The following SOX5 variants were observed in gnomAD, a reference collection of about 807,000 sequenced individuals.
SOX5 encodes SRY-box transcription factor 5, also known as transcription factor SOX-5.
Under a neutral mutation model 92.0 loss-of-function variants are expected in SOX5, and 9 were observed. The observed-to-expected ratio is 0.10, with a 90% CI of 0.06 to 0.17. SOX5 has a LOEUF of 0.17. Ranked by LOEUF, SOX5 falls within the 10% of genes least tolerant of loss-of-function variation. The pLI is 1.00. For missense variants in SOX5, 642 were observed against 944.5 expected (o/e 0.68, Z 4.20); for synonymous variants, 344 against 336.3 (o/e 1.02, Z -0.25).
At chr12:23,812,462 G>C (rs1306426455) in intron 3 of SOX5, among the ~76,000 whole-genome samples, 2 of 151,754 alleles carry the variant, frequency 1.3e-5, no homozygotes, top group African/African-American at 4.8e-5. Context: ...AGAAAACACA[G>C]ATGGGGATTT....
At chr12:24,347,840 C>G (rs926157159) in intron 2 of SOX5, among the ~76,000 whole-genome samples, 2 of 152,074 alleles carry the variant, frequency 1.3e-5, no homozygotes, top group Non-Finnish European at 2.9e-5. Flanking sequence ...ATTACTTAAA[C>G]TAGGGCCTCC....
chr12:24,545,226 T>G (rs190621640), intron 1 of SOX5, among the ~76,000 whole-genome samples: 77 of 152,290 alleles, frequency 5.1e-4, no homozygotes, highest in African/African-American at 1.8e-3. Flanking sequence ...AAATGTTGCC[T>G]TGGTTTCATT....
chr12:23,949,590 G>A lies in SOX5; in HGVS notation c.12C>T (p.Asp4=), dbSNP rs1382784713. ...TTTCAAACTCCTGAGGTAAATCAGG[G>A]TCAGTAAGCATGCTGGAAAAGCACA... MLT[D]PDLPQEFERM... is the part of the protein sequence containing the mutation. The change falls in exon 1 of 15, where the codon GAC becomes GAT. Residue 4 remains aspartate, a synonymous_variant. Coordinates refer to ENST00000451604, the MANE Select transcript of SOX5 (RefSeq NM_006940.6). 6.2e-7 allele frequency: 1 copy of A among 1,613,014 alleles called. No homozygotes were observed. The highest frequency in any genetic ancestry group is 1.3e-5 in the African/African-American group (1 of 74,990).
At chr12:24,212,463 A>G (rs373665680) in intron 4 of SOX5, 52 of 534,152 alleles carry the variant, frequency 9.7e-5, no homozygotes, top group Non-Finnish European at 1.2e-4. Context: ...GAGCTAAGAC[A>G]CACTCCAGGG....
chr12:24,385,951 A>G (rs1419690561), intron 1 of SOX5, among the ~76,000 whole-genome samples: 1 of 139,264 alleles, frequency 7.2e-6, no homozygotes, highest in East Asian at 2.2e-4. Flanking sequence ...AAAAAGAGAG[A>G]GAGATTTATG....
chr12:24,401,914 T>C (rs1365738301), intron 1 of SOX5, among the ~76,000 whole-genome samples: 1 of 152,142 alleles, frequency 6.6e-6, no homozygotes, highest in Non-Finnish European at 1.5e-5. Flanking sequence ...TTTTATGATC[T>C]ATGCATGTAT....
intron 3 of SOX5, among the ~76,000 whole-genome samples, chr12:23,819,543 C>T (rs1414693118): frequency 6.6e-6 from 1 of 152,146 alleles, no homozygotes; most frequent in Non-Finnish European, 1.5e-5. Context: ...CCGTGATCTA[C>T]ATTAGGTATT....
At chr12:23,670,824 A>C (rs1307684916) in intron 6 of SOX5, among the ~76,000 whole-genome samples, 1 of 152,150 alleles carries the variant, frequency 6.6e-6, no homozygotes, top group Non-Finnish European at 1.5e-5. Context: ...AGACATTAAA[A>C]AGAGTGATAG....
intron 1 of SOX5, among the ~76,000 whole-genome samples, chr12:24,547,876 C>G (rs899675255): frequency 2.0e-5 from 3 of 152,150 alleles, no homozygotes; most frequent in Admixed American, 6.5e-5. Flanking sequence ...GTTCGTATCC[C>G]CTGGCAGAAA....
intron 1 of SOX5, among the ~76,000 whole-genome samples, chr12:24,408,191 G>T (rs982516622): frequency 6.6e-6 from 1 of 152,102 alleles, no homozygotes; most frequent in African/African-American, 2.4e-5. Context: ...AGAAAGAGGG[G>T]ACATGAAGCT....
intron 4 of SOX5, among the ~76,000 whole-genome samples, chr12:24,065,635 G>T (rs1266831111): frequency 8.7e-6 from 1 of 115,416 alleles, no homozygotes; most frequent in Non-Finnish European, 1.6e-5. Flanking sequence ...GACAGAGCGA[G>T]ACTCCATCTC....
chr12:23,784,452 G>A (rs750319265), intron 3 of SOX5, among the ~76,000 whole-genome samples: 3 of 151,792 alleles, frequency 2.0e-5, no homozygotes, highest in Non-Finnish European at 4.4e-5. Flanking sequence ...TCAGCCTCCC[G>A]AGTAGCTGGC....
rs191685642 is a variant in SOX5 at position 24,171,688 on chromosome 12, A to G, written c.-2+41655T>C. 2.8e-3 allele frequency among the ~76,000 whole-genome samples: 433 copies of G among 152,228 alleles called. 2 individuals are homozygous for G. The highest frequency in any genetic ancestry group is 9.9e-3 in the African/African-American group (411 of 41,548). ...AGCATGGGAGTGTGAATAGGGGGCT[A>G]GAGAAGCATATAAAGAAGGGACCCT... On this transcript the variant is annotated intron_variant, in intron 4 of 4. Transcript: ENST00000446891.
intron 1 of SOX5, among the ~76,000 whole-genome samples, chr12:23,928,343 G>C (rs574767513): frequency 2.0e-5 from 3 of 151,938 alleles, no homozygotes; most frequent in Non-Finnish European, 4.4e-5. Flanking sequence ...CTCAGTACTC[G>C]GGTGTGGCCA....
chr12:23,876,592 C>G (rs1337592797), intron 2 of SOX5, among the ~76,000 whole-genome samples: 2 of 152,078 alleles, frequency 1.3e-5, no homozygotes, highest in African/African-American at 4.8e-5. Flanking sequence ...GATCTAGAAC[C>G]AGAAATACCA....
At chr12:23,844,329 A>G (rs2096551736) in intron 3 of SOX5, among the ~76,000 whole-genome samples, 1 of 152,208 alleles carries the variant, frequency 6.6e-6, no homozygotes. Flanking sequence ...TAAAGTTGAT[A>G]AATCTTAAGT....
chr12:23,881,485 TC>T (rs2096989341), intron 2 of SOX5, among the ~76,000 whole-genome samples: 1 of 152,024 alleles, frequency 6.6e-6, no homozygotes, highest in African/African-American at 2.4e-5. Context: ...CACTGTCAAG[TC>T]CCCCAATTTA....
chr12:24,278,216 T>C (rs960496125), intron 2 of SOX5, among the ~76,000 whole-genome samples: 2 of 152,208 alleles, frequency 1.3e-5, no homozygotes, highest in Non-Finnish European at 1.5e-5. Context: ...AGTATTTGAA[T>C]AGTTTTATTA....
At position 23,934,052 on chromosome 12, in the gene SOX5, A is replaced by G. The variant is rs1168616914; in HGVS notation, c.38+15512T>C. On this transcript the variant is annotated intron_variant, in intron 1 of 14. Coordinates refer to ENST00000451604, the MANE Select transcript of SOX5 (RefSeq NM_006940.6). ...GCCTCCTTCCACTAAGTTAGTTATC[A>G]TTCAATATTCTTTTTCTTATCTGGT... Among the ~76,000 whole-genome samples, 4 of 151,650 alleles carry G rather than the reference A, an allele frequency of 2.6e-5. No individual in the cohort carries two copies. The South Asian group carries it at 8.3e-4, about 31-fold the overall frequency.
Sources: gnomAD v4.1 joint callset for allele counts (sites outside exome capture counted in the v4.1 genomes callset) on GRCh38, gnomAD v4.1.1 for gene constraint, MANE v1.5 for transcripts, NCBI Gene and HGNC (gene_info 2026-07-23, HGNC 2026-07-21) for gene names.